PBX1: variants seen among roughly 807,000 people sequenced by gnomAD.
The protein encoded by PBX1 is pre-B-cell leukemia transcription factor 1.
PBX1 carries 6 observed loss-of-function variants against 53.4 expected under a neutral mutation model. That is an observed-to-expected ratio of 0.11 (90% confidence interval 0.06 to 0.22). The LOEUF (loss-of-function observed/expected upper bound fraction) is 0.22, where lower values mean the gene tolerates loss of function less well. PBX1 is among the 10% of genes least tolerant of loss of function. The pLI is 1.00. For synonymous variants in PBX1, 204 were observed against 212.3 expected (o/e 0.96, Z 0.34); for missense variants, 251 against 551.4 (o/e 0.46, Z 5.46).
At chr1:164,703,828 A>G (rs1408092539) in intron 2 of PBX1, among the ~76,000 whole-genome samples, 1 of 152,182 alleles carries the variant, frequency 6.6e-6, no homozygotes, top group African/African-American at 2.4e-5. Flanking sequence ...TTCTCCACAC[A>G]TCCAATTGCA....
rs541691063 is a variant in PBX1 at position 164,599,728 on chromosome 1, G to A, written c.265+36417G>A. Among the ~76,000 whole-genome samples, 52 of 152,158 alleles carry A rather than the reference G, an allele frequency of 3.4e-4. 1 individual carries two copies. The highest frequency in any genetic ancestry group is 2.1e-4 in the South Asian group (1 of 4,832). ...TAGGGAAGCTTAGATTCAATGGGTTGTGCCCTTCCAAAAGCCTACTGCTGG... is the reference window on the plus strand; with the variant it reads ...TAGGGAAGCTTAGATTCAATGGGTTATGCCCTTCCAAAAGCCTACTGCTGG... On this transcript the variant is annotated intron_variant, in intron 2 of 8. Coordinates refer to ENST00000420696, the MANE Select transcript of PBX1 (RefSeq NM_002585.4).
intron 2 of PBX1, among the ~76,000 whole-genome samples, chr1:164,686,251 T>A (rs1252728232): frequency 6.6e-6 from 1 of 152,236 alleles, no homozygotes; most frequent in Admixed American, 6.5e-5. Context: ...TTCGGTCACC[T>A]GGAACCTGTG....
intron 2 of PBX1, among the ~76,000 whole-genome samples, chr1:164,588,473 C>CTTTTTTTTTTTTTTT (rs371768861): frequency 1.4e-5 from 1 of 73,082 alleles, no homozygotes; most frequent in Non-Finnish European, 2.9e-5. Context: ...CCGGACTAAG[C>CTTTTTTTTTTTTTTT]TTTTTTTTTT....
At chr1:164,745,524 G>T (rs1007773233) in intron 2 of PBX1, among the ~76,000 whole-genome samples, 1 of 152,132 alleles carries the variant, frequency 6.6e-6, no homozygotes. Flanking sequence ...ACTTGTCAAC[G>T]CAGGAACTGT....
intron 2 of PBX1, among the ~76,000 whole-genome samples, chr1:164,674,268 T>G (rs575128958): frequency 6.6e-6 from 1 of 152,330 alleles, no homozygotes; most frequent in East Asian, 1.9e-4. Flanking sequence ...GGGTCATGAC[T>G]TACACATGGA....
chr1:164,835,239 G>T (rs866168058), intron 8 of PBX1, among the ~76,000 whole-genome samples: 127 of 136,124 alleles, frequency 9.3e-4, no homozygotes, highest in Middle Eastern at 3.9e-3. Flanking sequence ...TTTGATTTTG[G>T]TTTTTTTTTT....
chr1:164,672,529 T>C (rs1661174573), intron 2 of PBX1, among the ~76,000 whole-genome samples: 1 of 152,260 alleles, frequency 6.6e-6, no homozygotes, highest in Non-Finnish European at 1.5e-5. Flanking sequence ...CTTAAGTGTC[T>C]GCATTCAGGT....
chr1:164,587,497 C>A (rs114348816), intron 2 of PBX1, among the ~76,000 whole-genome samples: 3 of 151,996 alleles, frequency 2.0e-5, no homozygotes, highest in African/African-American at 7.2e-5. Context: ...TCACCCAGCA[C>A]TTTATCTGCC....
At chr1:164,838,077 G>A (rs181116872) in intron 8 of PBX1, among the ~76,000 whole-genome samples, 12 of 152,308 alleles carry the variant, frequency 7.9e-5, no homozygotes, top group Admixed American at 2.6e-4. Context: ...TTAGGATGTT[G>A]GCAGGAGGGC....
At chr1:164,632,918 C>T (rs536748078) in intron 2 of PBX1, among the ~76,000 whole-genome samples, 1 of 152,110 alleles carries the variant, frequency 6.6e-6, no homozygotes, top group Non-Finnish European at 1.5e-5. Flanking sequence ...TCCTAGGGTT[C>T]ATGTAGAGTT....
intron 2 of PBX1, among the ~76,000 whole-genome samples, chr1:164,667,140 G>GT (rs1390033529): frequency 2.0e-5 from 3 of 152,138 alleles, no homozygotes; most frequent in African/African-American, 7.2e-5. Flanking sequence ...GCTTCTGAAG[G>GT]TTTTTTCAGG....
chr1:164,847,837 T>C lies in PBX1; in HGVS notation c.*1161T>C. ...GCCCACTAGCGTGCACTTACCAGAA[T>C]GGCATACACAGGACCTGATCATGAG... On this transcript the variant is annotated 3_prime_UTR_variant, in exon 9 of 9. Transcript: ENST00000420696. 5 of 1,055,000 alleles carry C rather than the reference T, an allele frequency of 4.7e-6. No individual in the cohort carries two copies. Among genetic ancestry groups the C allele is most frequent in the Non-Finnish European group, 5.7e-6 (5 of 872,854 alleles). 65.4% of individuals were successfully genotyped at this position (1,055,000 alleles called of 1,614,324 possible). A position where few individuals can be genotyped will look rare whatever the true frequency, so the allele number is the denominator to read the frequency against.
intron 2 of PBX1, among the ~76,000 whole-genome samples, chr1:164,672,390 T>G (rs1661168725): frequency 6.6e-6 from 1 of 152,216 alleles, no homozygotes; most frequent in South Asian, 2.1e-4. Flanking sequence ...GAATTTCTCC[T>G]AATTATTTCA....
intron 2 of PBX1, among the ~76,000 whole-genome samples, chr1:164,677,483 T>A (rs1661501177): frequency 6.6e-6 from 1 of 152,128 alleles, no homozygotes; most frequent in Non-Finnish European, 1.5e-5. Flanking sequence ...TAAGAACTGA[T>A]CTCTGCCTTA....
At chr1:164,725,666 A>G (rs1389625577) in intron 2 of PBX1, among the ~76,000 whole-genome samples, 1 of 152,130 alleles carries the variant, frequency 6.6e-6, no homozygotes, top group African/African-American at 2.4e-5. Context: ...TTCTCAGACT[A>G]ATTCACAAAT....
chr1:164,661,754 G>A (rs1388349148), intron 2 of PBX1, among the ~76,000 whole-genome samples: 7 of 152,018 alleles, frequency 4.6e-5, no homozygotes, highest in African/African-American at 1.4e-4. Flanking sequence ...ATTGACCTTT[G>A]TAATTTTATT....
intron 6 of PBX1, 55 bp from the exon 7 acceptor site, chr1:164,820,017 G>A (rs1335280564): frequency 1.9e-5 from 19 of 1,014,330 alleles, no homozygotes; most frequent in African/African-American, 6.4e-5. Flanking sequence ...TGTTAGTTGC[G>A]GGGTTTGAGC....
intron 1 of PBX1, among the ~76,000 whole-genome samples, chr1:164,562,254 A>G (rs1557861453): frequency 2.0e-5 from 3 of 152,130 alleles, no homozygotes; most frequent in Non-Finnish European, 4.4e-5. Flanking sequence ...CAAAGGGATT[A>G]AAAAAGAATT....
chr1:164,802,737 C>T (rs183109796), intron 4 of PBX1, among the ~76,000 whole-genome samples: 8 of 151,912 alleles, frequency 5.3e-5, no homozygotes, highest in Admixed American at 2.6e-4. Flanking sequence ...AACTGTACCA[C>T]GGAAGTTTAA....
Sources: gnomAD v4.1 joint callset for allele counts (sites outside exome capture counted in the v4.1 genomes callset) on GRCh38, gnomAD v4.1.1 for gene constraint, MANE v1.5 for transcripts, NCBI Gene and HGNC (gene_info 2026-07-23, HGNC 2026-07-21) for gene names.